The following DAPK1 variants were observed in gnomAD, a reference collection of about 807,000 sequenced individuals.
The protein encoded by DAPK1 is death associated protein kinase 1.
In DAPK1, 56 loss-of-function variants were observed where a neutral mutation model predicts 144.9. That is an observed-to-expected ratio of 0.39 (90% CI 0.31 to 0.48). The LOEUF (loss-of-function observed/expected upper bound fraction) is 0.48. DAPK1 is among the 20% of genes least tolerant of loss of function. DAPK1 has a pLI of 0.95. For synonymous variants in DAPK1, 690 were observed against 749.0 expected, an observed-to-expected ratio of 0.92 and a Z score of 1.29; for missense variants, 1,454 against 1,875.4, an observed-to-expected ratio of 0.78 and a Z score of 4.15.
chr9:87,615,588 T>C (rs1352931934), intron 3 of DAPK1, among the ~76,000 whole-genome samples: 1 of 152,234 alleles, frequency 6.6e-6, no homozygotes, highest in Non-Finnish European at 1.5e-5. Context: ...TCACTACTTT[T>C]AAGGCACTTG....
chr9:87,572,157 T>C (rs112461888), intron 2 of DAPK1, among the ~76,000 whole-genome samples: 1 of 152,226 alleles, frequency 6.6e-6, no homozygotes, highest in Non-Finnish European at 1.5e-5. Context: ...CTAATGATCA[T>C]AGTAGTAGCA....
intron 2 of DAPK1, among the ~76,000 whole-genome samples, chr9:87,534,271 A>C (rs36230892): frequency 0.04 from 4,731 of 117,170 alleles, 244 homozygotes; most frequent in African/African-American, 0.12. Flanking sequence ...TTTTTTTTTA[A>C]CGCTGCCATG....
chr9:87,653,179 C>A (rs1353132664), intron 17 of DAPK1, among the ~76,000 whole-genome samples: 84 of 150,768 alleles, frequency 5.6e-4, no homozygotes, highest in African/African-American at 2.0e-3. Flanking sequence ...GGTCCTGATT[C>A]TGTGTCCATC....
chr9:87,623,937 T>G (rs1829399059), intron 3 of DAPK1, among the ~76,000 whole-genome samples: 2 of 152,164 alleles, frequency 1.3e-5, no homozygotes, highest in Admixed American at 1.3e-4. Flanking sequence ...ATACTGATAA[T>G]TGCCATTCAC....
intron 14 of DAPK1, among the ~76,000 whole-genome samples, chr9:87,647,832 T>G (rs1019373388): frequency 2.0e-5 from 3 of 152,194 alleles, no homozygotes; most frequent in African/African-American, 7.2e-5. Context: ...ACAATGCACA[T>G]AAAGTAATAA....
At chr9:87,578,077 G>A (rs947196041) in intron 2 of DAPK1, among the ~76,000 whole-genome samples, 9 of 152,116 alleles carry the variant, frequency 5.9e-5, no homozygotes, top group African/African-American at 1.2e-4. Flanking sequence ...GCCTTCTTCC[G>A]ATTTTAAATG....
At chr9:87,630,967 A>G (rs1829665892) in intron 3 of DAPK1, among the ~76,000 whole-genome samples, 1 of 152,214 alleles carries the variant, frequency 6.6e-6, no homozygotes, top group Admixed American at 6.5e-5. Flanking sequence ...CTCATTGTAC[A>G]TAGAGCAAAG....
intron 2 of DAPK1, among the ~76,000 whole-genome samples, chr9:87,561,022 T>C (rs906258189): frequency 3.9e-5 from 6 of 152,218 alleles, no homozygotes; most frequent in Non-Finnish European, 8.8e-5. Context: ...ATAAATCTCA[T>C]GTCATGTAGT....
chr9:87,542,565 A>G (rs931241773), intron 2 of DAPK1, among the ~76,000 whole-genome samples: 1 of 152,194 alleles, frequency 6.6e-6, no homozygotes, highest in Non-Finnish European at 1.5e-5. Flanking sequence ...TCTGCTTTGT[A>G]AGAGAAATCA....
intron 21 of DAPK1, among the ~76,000 whole-genome samples, chr9:87,693,134 A>C (rs1156255377): frequency 2.0e-5 from 3 of 151,390 alleles, no homozygotes; most frequent in South Asian, 4.2e-4. Context: ...CCAAACCTGG[A>C]AAGTTTTTAA....
At chr9:87,504,275 C>T (rs548710428) in intron 2 of DAPK1, among the ~76,000 whole-genome samples, 13 of 152,208 alleles carry the variant, frequency 8.5e-5, no homozygotes, top group African/African-American at 2.9e-4. Flanking sequence ...TTAAAGGCAA[C>T]GGTTAGTGAT....
intron 2 of DAPK1, among the ~76,000 whole-genome samples, chr9:87,510,157 C>T (rs1007827872): frequency 1.3e-5 from 2 of 152,188 alleles, no homozygotes; most frequent in African/African-American, 4.8e-5. Context: ...GTGCGTTCCT[C>T]CCCACCCCTT....
chr9:87,706,529 G>T lies in DAPK1; in HGVS notation c.3458G>T (p.Cys1153Phe). 2 of 1,614,140 alleles carry T rather than the reference G, an allele frequency of 1.2e-6. No individual in the cohort carries two copies. The highest frequency in any genetic ancestry group is 2.2e-5 in the South Asian group (2 of 91,090). Residue 1153 changes from cysteine to phenylalanine, a missense_variant, in exon 26 of 26, where the codon TGC (cysteine) becomes TTC (phenylalanine). Cys to Phe is a radical substitution (Grantham distance 205). Around this residue, in one of 2 missense-constraint regions of DAPK1, gnomAD observed 1,025 missense variants for 1,237.9 expected, o/e 0.83. Transcript: ENST00000408954. The surrounding 1 kb of genome is among the most constrained non-coding windows in gnomAD (Gnocchi z 9.0). The part of the protein sequence containing the change: ...GIFHKVQVNL[C>F]RWIHQQSTEG... Reference sequence around the variant, plus strand: ...TTTCACAAGGTCCAGGTGAACCTGTGCCGGTGGATCCACCAGCAAAGCACA... The same window carrying T: ...TTTCACAAGGTCCAGGTGAACCTGTTCCGGTGGATCCACCAGCAAAGCACA...
intron 2 of DAPK1, among the ~76,000 whole-genome samples, chr9:87,579,039 T>C (rs920232527): frequency 2.6e-5 from 4 of 152,218 alleles, no homozygotes; most frequent in African/African-American, 9.6e-5. Context: ...ATAAATGCTC[T>C]GGGATATTGC....
chr9:87,668,393 G>A (rs1831131921), intron 18 of DAPK1: 2 of 573,044 alleles, frequency 3.5e-6, no homozygotes, highest in Non-Finnish European at 6.3e-6. Context: ...CTTTGTTCCT[G>A]CGTCTTACCT....
intron 2 of DAPK1, among the ~76,000 whole-genome samples, chr9:87,548,974 C>T (rs1207371617): frequency 1.7e-5 from 2 of 116,400 alleles, no homozygotes; most frequent in Non-Finnish European, 3.3e-5. Context: ...GGTACATTTG[C>T]AGGATGTACA....
intron 19 of DAPK1, among the ~76,000 whole-genome samples, chr9:87,675,890 CACA>C (rs1564064489): frequency 2.0e-5 from 3 of 151,274 alleles, no homozygotes; most frequent in Admixed American, 6.6e-5. Flanking sequence ...CACACACACA[CACA>C]CACCCTTATG....
chr9:87,559,558 G>A (rs1826834241), intron 2 of DAPK1, among the ~76,000 whole-genome samples: 1 of 152,130 alleles, frequency 6.6e-6, no homozygotes, highest in Non-Finnish European at 1.5e-5. Flanking sequence ...GACTTTCCCT[G>A]CAGCTGAGGG....
chr9:87,526,012 A>G (rs1476549792), intron 2 of DAPK1, among the ~76,000 whole-genome samples: 1 of 152,076 alleles, frequency 6.6e-6, no homozygotes, highest in Non-Finnish European at 1.5e-5. Context: ...CTCCTTTTAA[A>G]GGTATAATTT....
Sources: gnomAD v4.1 joint callset for allele counts (sites outside exome capture counted in the v4.1 genomes callset) on GRCh38, gnomAD v4.1.1 for gene constraint, gnomAD v4.1.1 regional missense constraint, Gnocchi (gnomAD v3.1) non-coding constraint, MANE v1.5 for transcripts, NCBI Gene and HGNC (gene_info 2026-07-23, HGNC 2026-07-21) for gene names.